Variants in RCOR1 observed in about 807,000 individuals in gnomAD.
The protein encoded by RCOR1 is REST corepressor 1.
A neutral mutation model predicts 64.0 loss-of-function variants in RCOR1; 12 were observed. That is an observed-to-expected ratio of 0.19 (90% confidence interval 0.12 to 0.30). The LOEUF is 0.30. Among genes scored for constraint, RCOR1 ranks in the 10% least tolerant of loss-of-function variants. The probability of loss-of-function intolerance (pLI) is 1.00; values close to 1 mark genes in which losing one functional copy is unlikely to be tolerated. For synonymous variants in RCOR1, 279 were observed against 227.2 expected (o/e 1.23, Z -2.05); for missense variants, 502 against 621.2 (o/e 0.81, Z 2.04).
At chr14:102,653,785 A>G (rs1030384272) in intron 2 of RCOR1, among the ~76,000 whole-genome samples, 2 of 151,720 alleles carry the variant, frequency 1.3e-5, no homozygotes, top group African/African-American at 4.8e-5. Context: ...GCCTTCCACC[A>G]TGATTATAAG....
rs57221486 is a variant in RCOR1, at chr14:102,629,447, C to A, written c.361+36122C>A. ...ATCTTGTTGCCTTAACAGCCTCCCC[C>A]CCCCCCACCACTGCTTCTAGAATAG... is the stretch of plus-strand genomic sequence containing the variant. On this transcript the variant is annotated intron_variant, in intron 2 of 11. Transcript: ENST00000262241. 7.9e-4 allele frequency among the ~76,000 whole-genome samples: 81 copies of A among 102,950 alleles called. 1 individual carries two copies. Among genetic ancestry groups the A allele is most frequent in the African/African-American group, 1.3e-3 (39 of 29,668 alleles). 67.5% of individuals were successfully genotyped at this position (102,950 alleles called of 152,430 possible). A position where few individuals can be genotyped will look rare whatever the true frequency, so the allele number is the denominator to read the frequency against.
chr14:102,692,076 T>C (rs1895544320), intron 3 of RCOR1, among the ~76,000 whole-genome samples: 1 of 152,250 alleles, frequency 6.6e-6, no homozygotes, highest in African/African-American at 2.4e-5. Context: ...ACCAGTCTAG[T>C]GTGAGTATAA....
At chr14:102,619,196 A>G (rs1277585391) in intron 2 of RCOR1, among the ~76,000 whole-genome samples, 1 of 152,036 alleles carries the variant, frequency 6.6e-6, no homozygotes, top group Non-Finnish European at 1.5e-5. Context: ...ATCTTGGTTC[A>G]TTGCAACCTC....
chr14:102,682,098 T>C, intron 3 of RCOR1, 120 bp downstream of exon 3: 1 of 572,588 alleles, frequency 1.7e-6, no homozygotes, highest in Non-Finnish European at 3.0e-6. Context: ...GATAAATAAT[T>C]TAAAGAGTTT....
Position 102,592,965 on chromosome 14 carries a change from GCCGCCGCCGCCT to G in RCOR1, c.93_104del (p.Ala34_Ala37del), listed in dbSNP as rs902433541. On this transcript the variant is annotated inframe_deletion, in exon 1 of 12. Transcript: ENST00000262241. ...GAACAACGCGGCCGCCTCCGCCTCC[GCCGCCGCCGCCT>G]CCGCCGCCGCCTCGGCCGCCTGCGC... 8.0e-5 allele frequency: 92 copies of G among 1,144,686 alleles called. 1 individual carries two copies. The highest frequency in any genetic ancestry group is 3.6e-4 in the Middle Eastern group (1 of 2,744). The allele number at this position is 1,144,686 out of a possible 1,614,324, so 70.9% of individuals were successfully genotyped here. A position where few individuals can be genotyped will look rare whatever the true frequency, so the allele number is the denominator to read the frequency against.
intron 2 of RCOR1, among the ~76,000 whole-genome samples, chr14:102,619,887 C>G (rs1484772610): frequency 6.6e-6 from 1 of 152,168 alleles, no homozygotes; most frequent in Non-Finnish European, 1.5e-5. Flanking sequence ...GTAATAATCT[C>G]TTTAATTATT....
chr14:102,669,018 G>T (rs1894975303), intron 2 of RCOR1, among the ~76,000 whole-genome samples: 1 of 152,126 alleles, frequency 6.6e-6, no homozygotes, highest in African/African-American at 2.4e-5. Flanking sequence ...CAGACAGGAG[G>T]TATATAGTTT....
At chr14:102,719,274 T>C (rs1202140895) in intron 8 of RCOR1, among the ~76,000 whole-genome samples, 2 of 152,136 alleles carry the variant, frequency 1.3e-5, no homozygotes, top group Non-Finnish European at 2.9e-5. Flanking sequence ...AATTATACTT[T>C]AAGTTCTAGG....
At chr14:102,662,117 A>G in intron 2 of RCOR1, 1 of 354,574 alleles carries the variant, frequency 2.8e-6, no homozygotes, top group Non-Finnish European at 5.5e-6. Context: ...TGTCATTTGC[A>G]TGTTGTACTT....
At chr14:102,655,327 T>C (rs1167671726) in intron 2 of RCOR1, 3 of 985,078 alleles carry the variant, frequency 3.0e-6, no homozygotes, top group African/African-American at 1.7e-5. Context: ...ATATCTGACC[T>C]GTTGTACTTT....
At chr14:102,632,707 C>CTTTCT (rs1894147627) in intron 2 of RCOR1, among the ~76,000 whole-genome samples, 1 of 113,484 alleles carries the variant, frequency 8.8e-6, no homozygotes, top group African/African-American at 3.6e-5. Context: ...CTTTCCTTTC[C>CTTTCT]TTTTCCTTTC....
intron 2 of RCOR1, among the ~76,000 whole-genome samples, chr14:102,607,224 C>T (rs1224244903): frequency 6.6e-6 from 1 of 152,108 alleles, no homozygotes; most frequent in East Asian, 1.9e-4. Context: ...TGAGCCACCG[C>T]GCCCGGCTGA....
At chr14:102,625,897 C>T (rs1893971146) in intron 2 of RCOR1, among the ~76,000 whole-genome samples, 1 of 152,178 alleles carries the variant, frequency 6.6e-6, no homozygotes, top group Non-Finnish European at 1.5e-5. Flanking sequence ...AACACAACAA[C>T]ACAGTGACCC....
intron 4 of RCOR1, 77 bp from the exon 5 acceptor site, chr14:102,707,274 C>A: frequency 1.2e-3 from 1,247 of 1,068,754 alleles, no homozygotes; most frequent in East Asian, 2.0e-3. Flanking sequence ...GTCGTTTTTA[C>A]TTTTCTTTTG....
intron 2 of RCOR1, among the ~76,000 whole-genome samples, chr14:102,678,576 G>GTCAC (rs1895238860): frequency 1.3e-5 from 2 of 152,168 alleles, no homozygotes; most frequent in Non-Finnish European, 2.9e-5. Context: ...ACAGGCGTGA[G>GTCAC]TCACTGCTCC....
At chr14:102,717,081 G>C (rs1896080862) in intron 8 of RCOR1, among the ~76,000 whole-genome samples, 1 of 152,118 alleles carries the variant, frequency 6.6e-6, no homozygotes, top group African/African-American at 2.4e-5. Flanking sequence ...CTCTTGTAAA[G>C]GATATTGTTT....
chr14:102,676,632 GC>G (rs1300369503), intron 2 of RCOR1, among the ~76,000 whole-genome samples: 1 of 109,628 alleles, frequency 9.1e-6, no homozygotes, highest in Non-Finnish European at 1.9e-5. Context: ...CAGGTGGGGG[GC>G]TGATCCCCCC....
At chr14:102,650,420 C>T (rs1405605538) in intron 2 of RCOR1, among the ~76,000 whole-genome samples, 12 of 151,880 alleles carry the variant, frequency 7.9e-5, no homozygotes, top group African/African-American at 2.9e-4. Flanking sequence ...ATGGAGGAAT[C>T]ATAGTGATCA....
At chr14:102,723,450 C>G (rs1896201795) in intron 11 of RCOR1, among the ~76,000 whole-genome samples, 1 of 152,188 alleles carries the variant, frequency 6.6e-6, no homozygotes, top group Non-Finnish European at 1.5e-5. Flanking sequence ...TCTGTAAGAA[C>G]ACCATTGAAA....
Sources: gnomAD v4.1 joint callset for allele counts (sites outside exome capture counted in the v4.1 genomes callset) on GRCh38, gnomAD v4.1.1 for gene constraint, MANE v1.5 for transcripts, NCBI Gene and HGNC (gene_info 2026-07-23, HGNC 2026-07-21) for gene names.